ITGB5: variants seen among roughly 807,000 people sequenced by gnomAD.
The protein encoded by ITGB5 is integrin subunit beta 5.
In ITGB5, 38 loss-of-function variants were observed where a neutral mutation model predicts 84.8. The ratio of observed to expected loss-of-function variants is 0.45; its 90% CI spans 0.35 to 0.59. The LOEUF is 0.59. Ranked by LOEUF, ITGB5 falls within the 20% of genes least tolerant of loss-of-function variation. ITGB5 has a pLI of 0.01. For missense variants in ITGB5, 905 were observed against 1,034.5 expected (o/e 0.87, Z 1.72); for synonymous variants, 393 against 414.4 (o/e 0.95, Z 0.63).
chr3:124,775,471 G>A (rs745325934), intron 10 of ITGB5, among the ~76,000 whole-genome samples: 154 of 152,098 alleles, frequency 1.0e-3, no homozygotes, highest in African/African-American at 3.3e-3. Flanking sequence ...AGATAGCACC[G>A]TCTTCCAAGG....
intron 8 of ITGB5, among the ~76,000 whole-genome samples, chr3:124,810,469 T>C (rs931213342): frequency 2.0e-5 from 3 of 152,134 alleles, no homozygotes; most frequent in Non-Finnish European, 4.4e-5. Flanking sequence ...ATTGTCCTTG[T>C]GACACATGCC....
At chr3:124,900,483 C>T (rs753851948) in intron 1 of ITGB5, among the ~76,000 whole-genome samples, 5 of 152,174 alleles carry the variant, frequency 3.3e-5, no homozygotes, top group African/African-American at 4.8e-5. Flanking sequence ...GCCCACATGT[C>T]GTGATTGTGG....
At chr3:124,826,652 G>A (rs181244758) in intron 5 of ITGB5, among the ~76,000 whole-genome samples, 145 of 152,274 alleles carry the variant, frequency 9.5e-4, no homozygotes, top group African/African-American at 3.4e-3. Flanking sequence ...GCCCACATTC[G>A]TATACAGAGA....
chr3:124,850,745 G>A (rs1456407018), intron 3 of ITGB5, among the ~76,000 whole-genome samples: 2 of 151,640 alleles, frequency 1.3e-5, no homozygotes, highest in Non-Finnish European at 2.9e-5. Flanking sequence ...GACTCAAACA[G>A]AGGAATGTTC....
upstream of ITGB5, among the ~76,000 whole-genome samples, chr3:124,891,011 G>T (rs1356642785): frequency 6.6e-6 from 1 of 151,664 alleles, no homozygotes; most frequent in Non-Finnish European, 1.5e-5. Flanking sequence ...AGTTTCCTTT[G>T]TGGCTACTTC....
intron 10 of ITGB5, 26 bp downstream of exon 10, chr3:124,796,362 C>T: frequency 6.3e-7 from 1 of 1,579,146 alleles, no homozygotes; most frequent in African/African-American, 1.3e-5. Flanking sequence ...TGGCTCAGAG[C>T]TAAAGTGCTT....
intron 2 of ITGB5, among the ~76,000 whole-genome samples, chr3:124,872,422 G>A (rs750099861): frequency 5.9e-5 from 9 of 152,176 alleles, no homozygotes; most frequent in Non-Finnish European, 1.2e-4. Flanking sequence ...ATTGTATGAT[G>A]TACAAAGTGT....
intron 5 of ITGB5, among the ~76,000 whole-genome samples, chr3:124,835,861 C>G (rs574733226): frequency 6.6e-6 from 1 of 152,306 alleles, no homozygotes; most frequent in African/African-American, 2.4e-5. Context: ...GTGCCTGACT[C>G]TGGGACTGGG....
chr3:124,876,715 C>A (rs1243163700), intron 1 of ITGB5, among the ~76,000 whole-genome samples: 1 of 152,182 alleles, frequency 6.6e-6, no homozygotes, highest in East Asian at 1.9e-4. Context: ...GAACCCTAGG[C>A]CTCCTCATCC....
intron 10 of ITGB5, among the ~76,000 whole-genome samples, chr3:124,788,546 G>T (rs1347983544): frequency 6.6e-6 from 1 of 152,184 alleles, no homozygotes; most frequent in Non-Finnish European, 1.5e-5. Flanking sequence ...AGTTACTGAA[G>T]AATCCTGTAA....
At chr3:124,781,951 G>A (rs2064011538) in intron 10 of ITGB5, among the ~76,000 whole-genome samples, 1 of 152,202 alleles carries the variant, frequency 6.6e-6, no homozygotes, top group African/African-American at 2.4e-5. Context: ...GAGAGGAATA[G>A]TGCCTTGTCT....
intron 3 of ITGB5, among the ~76,000 whole-genome samples, chr3:124,850,973 C>G (rs1159662081): frequency 6.6e-6 from 1 of 152,246 alleles, no homozygotes; most frequent in Non-Finnish European, 1.5e-5. Context: ...ATTTCCTCTG[C>G]CTGATGCCAT....
chr3:124,873,839 C>T (rs969293166), intron 1 of ITGB5, among the ~76,000 whole-genome samples: 3 of 151,806 alleles, frequency 2.0e-5, no homozygotes, highest in African/African-American at 7.3e-5. Context: ...GGCCCCTTTA[C>T]ACTTAGTCTA....
chr3:124,785,006 C>CTGAA lies in ITGB5; in HGVS notation c.1694-11098_1694-11095dup, dbSNP rs2064060108. 2.6e-5 allele frequency among the ~76,000 whole-genome samples: 4 copies of CTGAA among 152,224 alleles called. No individual in the cohort carries two copies. The South Asian group carries it at 8.3e-4, about 32-fold the overall frequency. On this transcript the variant is annotated intron_variant, in intron 10 of 14. Transcript: ENST00000296181. ...TGGAATGTCCCATGTGTAGGCCACA[C>CTGAA]TGAAGCCTGGCTGCCGGGACCCCAG...
At chr3:124,775,793 G>C (rs192169792) in intron 10 of ITGB5, among the ~76,000 whole-genome samples, 1 of 152,244 alleles carries the variant, frequency 6.6e-6, no homozygotes, top group Admixed American at 6.5e-5. Context: ...ATATAATATA[G>C]GTCAGAACTC....
chr3:124,855,416 T>G (rs1675977782), intron 3 of ITGB5, among the ~76,000 whole-genome samples: 1 of 152,202 alleles, frequency 6.6e-6, no homozygotes, highest in South Asian at 2.1e-4. Context: ...TTTGCATGAC[T>G]GAAAATTTTG....
At chr3:124,823,559 C>G (rs1042172584) in intron 5 of ITGB5, among the ~76,000 whole-genome samples, 2 of 150,934 alleles carry the variant, frequency 1.3e-5, no homozygotes, top group African/African-American at 4.9e-5. Flanking sequence ...CACAAAGAGG[C>G]TTTCAAGGTG....
chr3:124,818,502 CTTTTTTTT>C (rs143582866), intron 7 of ITGB5, among the ~76,000 whole-genome samples: 5 of 68,192 alleles, frequency 7.3e-5, no homozygotes, highest in African/African-American at 1.1e-4. Context: ...AGTGCATAGG[CTTTTTTTT>C]TTTTTTTTTT....
At chr3:124,766,475 G>A (rs1039701655) in intron 12 of ITGB5, 130 bp from the exon 13 acceptor site, 6 of 1,088,284 alleles carry the variant, frequency 5.5e-6, no homozygotes, top group Non-Finnish European at 7.9e-6. Flanking sequence ...AATCTTAAGG[G>A]GAGGCTGGGC....
Sources: allele counts gnomAD v4.1 joint callset (sites outside exome capture counted in the v4.1 genomes callset), GRCh38; gene constraint gnomAD v4.1.1; transcripts MANE v1.5; gene names NCBI Gene and HGNC (gene_info 2026-07-23, HGNC 2026-07-21).